PHETA1: variants seen among roughly 807,000 people sequenced by gnomAD.
The protein encoded by PHETA1 is sesquipedalian-1.
For missense variants in PHETA1, 348 were observed against 373.5 expected (o/e 0.93, Z 0.56); for synonymous variants, 155 against 168.9 (o/e 0.92, Z 0.64).
Position 111,361,813 on chromosome 12 carries a change from C to A in PHETA1, c.*865G>T. ...CCTGGGGGAACCTGCTAGAAGGTCA[C>A]CTCGGGCCATGGCTACCCAGCCCAG... On this transcript the variant is annotated 3_prime_UTR_variant, in exon 3 of 3. Coordinates refer to ENST00000683047, the MANE Select transcript of PHETA1 (RefSeq NM_144671.6). 13 of 448,156 alleles carry A rather than the reference C, an allele frequency of 2.9e-5. No individual in the cohort carries two copies. Among genetic ancestry groups the A allele is most frequent in the South Asian group, 2.0e-4 (13 of 64,016 alleles). The allele number at this position is 448,156 out of a possible 1,614,324, so 27.8% of individuals were successfully genotyped here.
rs1240373475 is a variant in PHETA1 at position 111,361,056 on chromosome 12, A to G, written c.*1622T>C. 6.6e-6 allele frequency: 1 copy of G among 152,200 alleles called. No homozygotes were observed. Among genetic ancestry groups the G allele is most frequent in the Non-Finnish European group, 1.5e-5 (1 of 68,120 alleles). 9.4% of individuals were successfully genotyped at this position (152,200 alleles called of 1,614,324 possible). On this transcript the variant is annotated 3_prime_UTR_variant, in exon 3 of 3. Transcript: ENST00000683047. ...GAGCAGGGCTTGCTGGGGGGAAGAC[A>G]ATGAAGCAGCCAAGGATCCCTCTCG...
At chr12:111,364,758 C>T (rs1868923360) in intron 2 of PHETA1, among the ~76,000 whole-genome samples, 1 of 144,242 alleles carries the variant, frequency 6.9e-6, no homozygotes. Flanking sequence ...AGCAAGACTC[C>T]ATCTCAAAAA....
At chr12:111,365,240 T>C (rs1026509280) in intron 2 of PHETA1, among the ~76,000 whole-genome samples, 1 of 152,214 alleles carries the variant, frequency 6.6e-6, no homozygotes, top group African/African-American at 2.4e-5. Flanking sequence ...AGCTACATTT[T>C]TCAAGAAGCA....
rs897432117 is a variant in PHETA1 at position 111,368,892 on chromosome 12, C to T, written c.-182+20G>A. 3 of 152,328 alleles carry T rather than the reference C, an allele frequency of 2.0e-5. No individual in the cohort carries two copies. The highest frequency in any genetic ancestry group is 6.5e-5 in the Admixed American group (1 of 15,284). The allele number at this position is 152,328 out of a possible 1,614,324, so 9.4% of individuals were successfully genotyped here. ...GGGTCCCATGTCCTCGTGCATGTCCCCCCGCCAGGCCCGCCTTACCTCGCA... is the reference window on the plus strand; with the variant it reads ...GGGTCCCATGTCCTCGTGCATGTCCTCCCGCCAGGCCCGCCTTACCTCGCA... On this transcript the variant is annotated intron_variant, in intron 1 of 2. Coordinates refer to ENST00000683047, the MANE Select transcript of PHETA1 (RefSeq NM_144671.6). This position sits in a 1 kb window ranked among gnomAD's most constrained non-coding sequence, Gnocchi z 5.0.
chr12:111,364,346 CAAA>C (rs79244548), intron 2 of PHETA1, among the ~76,000 whole-genome samples: 2 of 109,274 alleles, frequency 1.8e-5, no homozygotes. Flanking sequence ...CACTCTGTCT[CAAA>C]AAAAAAAAAA....
chr12:111,365,719 A>T, intron 2 of PHETA1: 1 of 320,014 alleles, frequency 3.1e-6, no homozygotes, highest in Non-Finnish European at 6.2e-6. Flanking sequence ...ACAATGAGAC[A>T]CATGGACACA....
At position 111,362,909 on chromosome 12, in the gene PHETA1, G is replaced by T; in HGVS notation, c.519C>A (p.Pro173=). ...PSAPAPVPAL[P]LPRRPSALPP... ...GGAGGGCACTGGGCCGGCGGGGCAGGGGCAGGGCTGGGACCGGGGCTGGGG... is the reference window on the plus strand; with the variant it reads ...GGAGGGCACTGGGCCGGCGGGGCAGTGGCAGGGCTGGGACCGGGGCTGGGG... Residue 173 remains proline, a synonymous_variant, in exon 3 of 3, where the codon CCC becomes CCA. Coordinates refer to ENST00000683047, the MANE Select transcript of PHETA1 (RefSeq NM_144671.6). The T allele has an allele frequency of 6.6e-7, 1 of 1,509,138 alleles. No homozygotes were observed. 93.5% of individuals were successfully genotyped at this position (1,509,138 alleles called of 1,614,324 possible).
In PHETA1 at chr12:111,362,454, G is replaced by A. The variant is rs3809272; in HGVS notation, c.*224C>T. 0.29 allele frequency: 339,261 copies of A among 1,175,298 alleles called. 51,084 individuals carry two copies. Among genetic ancestry groups the A allele is most frequent in the South Asian group, 0.33 (20,195 of 61,848 alleles). 72.8% of individuals were successfully genotyped at this position (1,175,298 alleles called of 1,614,324 possible). A position where few individuals can be genotyped will look rare whatever the true frequency, so the allele number is the denominator to read the frequency against. On this transcript the variant is annotated 3_prime_UTR_variant, in exon 3 of 3. Coordinates refer to ENST00000683047, the MANE Select transcript of PHETA1 (RefSeq NM_144671.6). ...GATTCTCCTTAGTGTTGCACGTGAC[G>A]TTCCCCTCAAGGGTAGGCCTTCTGG...
intron 1 of PHETA1, among the ~76,000 whole-genome samples, chr12:111,366,990 C>T (rs1869073492): frequency 6.7e-6 from 1 of 148,866 alleles, no homozygotes. Context: ...ACCCCTTGAA[C>T]TTGGGGGGTG....
In PHETA1 at chr12:111,362,369, C is replaced by G; in HGVS notation, c.*309G>C. Reference sequence around the variant, plus strand: ...TGCCTGTTGCCAGCACAGGCCTCTGCCCGGCAGCTCAGGCCAGCCTGGGGC... The same window carrying G: ...TGCCTGTTGCCAGCACAGGCCTCTGGCCGGCAGCTCAGGCCAGCCTGGGGC... On this transcript the variant is annotated 3_prime_UTR_variant, in exon 3 of 3. Coordinates refer to ENST00000683047, the MANE Select transcript of PHETA1 (RefSeq NM_144671.6). 1.6e-6 allele frequency: 1 copy of G among 611,850 alleles called. No homozygotes were observed. Among genetic ancestry groups the G allele is most frequent in the East Asian group, 3.1e-5 (1 of 32,350 alleles). The allele number at this position is 611,850 out of a possible 1,614,324, so 37.9% of individuals were successfully genotyped here. A position where few individuals can be genotyped will look rare whatever the true frequency, so the allele number is the denominator to read the frequency against.
At chr12:111,366,056 T>C (rs1220835926) in intron 2 of PHETA1, 57 bp downstream of exon 2, 1 of 162,078 alleles carries the variant, frequency 6.2e-6, no homozygotes, top group African/African-American at 2.4e-5. Flanking sequence ...CCCATGTGGA[T>C]GCTGGCCCCG....
chr12:111,361,816 C>A lies in PHETA1; in HGVS notation c.*862G>T. The stretch of plus-strand genomic sequence containing the variant: ...GGGGGAACCTGCTAGAAGGTCACCT[C>A]GGGCCATGGCTACCCAGCCCAGGAA... On this transcript the variant is annotated 3_prime_UTR_variant, in exon 3 of 3. Transcript: ENST00000683047. 1 of 448,416 alleles carries A rather than the reference C, an allele frequency of 2.2e-6. No individual in the cohort carries two copies. Among genetic ancestry groups the A allele is most frequent in the Non-Finnish European group, 4.5e-6 (1 of 222,646 alleles). 27.8% of individuals were successfully genotyped at this position (448,416 alleles called of 1,614,324 possible).
In PHETA1 at chr12:111,362,972, C is replaced by G; in HGVS notation, c.456G>C (p.Leu152=). 6.8e-7 allele frequency: 1 copy of G among 1,467,858 alleles called. No individual in the cohort carries two copies. 90.9% of individuals were successfully genotyped at this position (1,467,858 alleles called of 1,614,324 possible). A position where few individuals can be genotyped will look rare whatever the true frequency, so the allele number is the denominator to read the frequency against. ...ATGGGACTGGGGCCAGGGCAGAGGG[C>G]AGGGACGGGGGCAAGGGCAGGGACT... The part of the protein sequence containing the change: ...QPQSLPLPPS[L]PSALAPVPSL... The change falls in exon 3 of 3, where the codon CTG becomes CTC. Residue 152 remains leucine (L), a synonymous_variant. Transcript: ENST00000683047.
chr12:111,366,579 G>T (rs1452834004), intron 1 of PHETA1, among the ~76,000 whole-genome samples: 1 of 152,094 alleles, frequency 6.6e-6, no homozygotes, highest in Non-Finnish European at 1.5e-5. Context: ...CACTGGGATG[G>T]CTGCTGTAGC....
rs755195366 is a variant in PHETA1 at position 111,362,530 on chromosome 12, G to A, written c.*148C>T. 3 of 1,513,492 alleles carry A rather than the reference G, an allele frequency of 2.0e-6. No individual in the cohort carries two copies. The highest frequency in any genetic ancestry group is 1.8e-6 in the Non-Finnish European group (2 of 1,135,418). The allele number at this position is 1,513,492 out of a possible 1,614,324, so 93.8% of individuals were successfully genotyped here. A position where few individuals can be genotyped will look rare whatever the true frequency, so the allele number is the denominator to read the frequency against. On this transcript the variant is annotated 3_prime_UTR_variant, in exon 3 of 3. Transcript: ENST00000683047. ...AGAATCCAGCACCTTCTCAGAGCCT[G>A]CATCCCCCAAAACCAGGCCACTCAG... is the stretch of plus-strand genomic sequence containing the variant.
chr12:111,366,300 T>C (rs891976661), intron 1 of PHETA1, 43 bp from the exon 2 acceptor site: 2 of 154,634 alleles, frequency 1.3e-5, no homozygotes, highest in African/African-American at 4.8e-5. Context: ...AGGGCTGTTG[T>C]GACAATGATA....
In PHETA1 at chr12:111,362,692, GGCT is replaced by G. The variant is rs1868701965; in HGVS notation, c.733_735del (p.Ser245del). 2 of 1,549,052 alleles carry G rather than the reference GGCT, an allele frequency of 1.3e-6. No homozygotes were observed. The highest frequency in any genetic ancestry group is 1.7e-6 in the Non-Finnish European group (2 of 1,146,842). On this transcript the variant is annotated inframe_deletion, in exon 3 of 3. Coordinates refer to ENST00000683047, the MANE Select transcript of PHETA1 (RefSeq NM_144671.6). ...CCCTGGTGGCCTCAGGGCTGGACCC[GGCT>G]GCTGAGCCACTGGCCACGCAGGGCC... is the stretch of plus-strand genomic sequence containing the variant.
At chr12:111,365,418 T>C (rs1035665994) in intron 2 of PHETA1, 1 of 449,898 alleles carries the variant, frequency 2.2e-6, no homozygotes, top group African/African-American at 2.0e-5. Flanking sequence ...GAGGGGGTTG[T>C]CCTTGCCACC....
rs1000054453 is a variant in PHETA1 at position 111,361,678 on chromosome 12, T to G, written c.*1000A>C. Reference sequence around the variant, plus strand: ...AGGGGACATGTTAGAGGGGGCTGCCTGGAGCTGAAGAGGGGCTCTGGAAGC... The same window carrying G: ...AGGGGACATGTTAGAGGGGGCTGCCGGGAGCTGAAGAGGGGCTCTGGAAGC... On this transcript the variant is annotated 3_prime_UTR_variant, in exon 3 of 3. Transcript: ENST00000683047. 1 of 351,714 alleles carries G rather than the reference T, an allele frequency of 2.8e-6. No individual in the cohort carries two copies. Among genetic ancestry groups the G allele is most frequent in the Non-Finnish European group, 5.6e-6 (1 of 177,728 alleles). The allele number at this position is 351,714 out of a possible 1,614,324, so 21.8% of individuals were successfully genotyped here.
Sources: gnomAD v4.1 joint callset for allele counts (sites outside exome capture counted in the v4.1 genomes callset) on GRCh38, gnomAD v4.1.1 for gene constraint, Gnocchi (gnomAD v3.1) non-coding constraint, MANE v1.5 for transcripts, NCBI Gene and HGNC (gene_info 2026-07-23, HGNC 2026-07-21) for gene names.